The following CTNNA3 variants were observed in gnomAD, a reference collection of about 807,000 sequenced individuals.
CTNNA3 encodes the protein catenin alpha-3.
Under a neutral mutation model 95.7 loss-of-function variants are expected in CTNNA3, and 76 were observed. The ratio of observed to expected loss-of-function variants is 0.79; its 90% confidence interval spans 0.66 to 0.96. CTNNA3 has a LOEUF of 0.96. Among genes scored for constraint, CTNNA3 ranks in the 40% least tolerant of loss-of-function variants. The pLI, the probability that CTNNA3 is intolerant of heterozygous loss-of-function variation, is 0.00. For synonymous variants in CTNNA3, 431 were observed against 374.4 expected, an observed-to-expected ratio of 1.15 and a Z score of -1.74; for missense variants, 1,191 against 1,089.8, an observed-to-expected ratio of 1.09 and a Z score of -1.31.
chr10:66,927,484 T>C lies in CTNNA3; in HGVS notation c.1048-151960A>G. On this transcript the variant is annotated intron_variant, in intron 7 of 17. Coordinates refer to ENST00000433211, the MANE Select transcript of CTNNA3 (RefSeq NM_013266.4). The surrounding 1 kb of genome is among the most constrained non-coding windows in gnomAD (Gnocchi z 4.7). ...CAACCTGGAACTTTTGGACCTGGGA[T>C]ATAACCGGATCCGAAGTTTAGCCAG... 6.2e-7 allele frequency: 1 copy of C among 1,614,086 alleles called. No individual in the cohort carries two copies. The highest frequency in any genetic ancestry group is 8.5e-7 in the Non-Finnish European group (1 of 1,180,028).
At chr10:67,469,609 G>C (rs762179133) in intron 5 of CTNNA3, among the ~76,000 whole-genome samples, 6 of 151,734 alleles carry the variant, frequency 4.0e-5, no homozygotes, top group Non-Finnish European at 8.8e-5. Context: ...GGGCCTGTCG[G>C]GGGGTGGGGG....
rs570212223 is a variant in CTNNA3 at position 66,137,730 on chromosome 10, T to C, written c.1885-34481A>G. Among the ~76,000 whole-genome samples, 4 of 152,128 alleles carry C rather than the reference T, an allele frequency of 2.6e-5. No homozygotes were observed. The South Asian group carries it at 8.3e-4, about 32-fold the overall frequency. On this transcript the variant is annotated intron_variant, in intron 13 of 17. Transcript: ENST00000433211. ...GGGAGGCTGAGGTGGGTGGATAACC[T>C]GAGGTCAGGAGTTCAGGATTAGCCT...
At chr10:67,756,622 A>C (rs536411601) in intron 1 of CTNNA3, among the ~76,000 whole-genome samples, 4 of 152,364 alleles carry the variant, frequency 2.6e-5, no homozygotes, top group Middle Eastern at 3.4e-3. Flanking sequence ...TTTACATAAA[A>C]TGTAATAGGC....
At chr10:66,725,706 C>A (rs923038586) in intron 9 of CTNNA3, among the ~76,000 whole-genome samples, 18 of 152,176 alleles carry the variant, frequency 1.2e-4, no homozygotes, top group African/African-American at 4.3e-4. Flanking sequence ...ATACGAAGTA[C>A]ATGATAATGT....
chr10:66,787,454 T>C (rs1396357851), intron 7 of CTNNA3, among the ~76,000 whole-genome samples: 1 of 152,160 alleles, frequency 6.6e-6, no homozygotes, highest in Non-Finnish European at 1.5e-5. Context: ...AGACGACTTA[T>C]TCACAGCTTT....
rs960052791 is a variant in CTNNA3 at position 67,015,637 on chromosome 10, T to C, written c.1047+164680A>G. On this transcript the variant is annotated intron_variant, in intron 7 of 17. Coordinates refer to ENST00000433211, the MANE Select transcript of CTNNA3 (RefSeq NM_013266.4). ...AGTTTAAAGTATCTCTCAGTATTCA[T>C]TGTTCTATCTAAAATTGTCCTAGAA... Among the ~76,000 whole-genome samples the C allele has an allele frequency of 1.7e-4, 26 of 152,208 alleles. No homozygotes were observed. In the East Asian group the frequency reaches 4.0e-3, roughly 24 times the overall value.
chr10:67,736,526 G>A (rs538885875), intron 1 of CTNNA3, among the ~76,000 whole-genome samples: 75 of 148,494 alleles, frequency 5.1e-4, no homozygotes, highest in African/African-American at 1.8e-3. Flanking sequence ...CACGTTCTCG[G>A]CTGACTGCAA....
At chr10:65,944,169 C>T (rs746953191) in intron 17 of CTNNA3, among the ~76,000 whole-genome samples, 66 of 152,216 alleles carry the variant, frequency 4.3e-4, no homozygotes, top group Non-Finnish European at 8.5e-4. Flanking sequence ...CAATTTTTCT[C>T]GGCTTTCAAA....
chr10:67,390,674 G>A (rs1215056874), intron 5 of CTNNA3, among the ~76,000 whole-genome samples: 5 of 149,822 alleles, frequency 3.3e-5, no homozygotes, highest in Non-Finnish European at 4.4e-5. Flanking sequence ...CTGGCAAAAC[G>A]AATCCAGCAG....
At chr10:67,004,152 A>G (rs755319989) in intron 7 of CTNNA3, among the ~76,000 whole-genome samples, 64 of 152,104 alleles carry the variant, frequency 4.2e-4, no homozygotes, top group Non-Finnish European at 8.1e-4. Flanking sequence ...TCAGCCATGT[A>G]TTTGAGTAGT....
intron 7 of CTNNA3, among the ~76,000 whole-genome samples, chr10:66,811,037 T>C (rs1188672331): frequency 6.6e-6 from 1 of 152,196 alleles, no homozygotes; most frequent in Non-Finnish European, 1.5e-5. Context: ...TAAACGCAAA[T>C]TGAAATTATC....
chr10:66,360,639 CT>C (rs747593248), intron 12 of CTNNA3, among the ~76,000 whole-genome samples: 16 of 56,534 alleles, frequency 2.8e-4, no homozygotes, highest in Middle Eastern at 5.4e-3. Flanking sequence ...TTCTTTCTTT[CT>C]TTCTTTCTTT....
intron 13 of CTNNA3, among the ~76,000 whole-genome samples, chr10:66,246,014 CTG>C (rs1389704678): frequency 6.6e-6 from 1 of 152,224 alleles, no homozygotes; most frequent in Non-Finnish European, 1.5e-5. Flanking sequence ...CCACTCTAGT[CTG>C]TGGGACTGGC....
intron 7 of CTNNA3, among the ~76,000 whole-genome samples, chr10:66,853,773 C>T (rs1043694974): frequency 3.3e-5 from 5 of 152,052 alleles, no homozygotes; most frequent in African/African-American, 1.2e-4. Context: ...TTATTTTTCT[C>T]TCTGCTTTGC....
intron 10 of CTNNA3, among the ~76,000 whole-genome samples, chr10:66,543,094 T>TTTTG (rs1841914374): frequency 6.6e-6 from 1 of 151,980 alleles, no homozygotes; most frequent in Non-Finnish European, 1.5e-5. Context: ...GAGTGCAGAA[T>TTTTG]TTTGTTTGTT....
At chr10:66,668,853 T>C (rs1236141506) in intron 9 of CTNNA3, among the ~76,000 whole-genome samples, 1 of 151,616 alleles carries the variant, frequency 6.6e-6, no homozygotes. Flanking sequence ...ATATATTCTA[T>C]ATATATATAT....
At chr10:66,307,699 A>C (rs1753714183) in intron 12 of CTNNA3, among the ~76,000 whole-genome samples, 1 of 152,264 alleles carries the variant, frequency 6.6e-6, no homozygotes, top group Non-Finnish European at 1.5e-5. Context: ...TTTCATAAAA[A>C]TCAAAAGTAT....
intron 9 of CTNNA3, among the ~76,000 whole-genome samples, chr10:66,634,572 GGTGTGTGTGTGT>G (rs59187647): frequency 4.1e-5 from 6 of 146,080 alleles, no homozygotes; most frequent in African/African-American, 1.0e-4. Context: ...CTCTGTGCAT[GGTGTGTGTGTGT>G]GTGTGTGTGT....
intron 7 of CTNNA3, among the ~76,000 whole-genome samples, chr10:67,134,068 G>A (rs994258723): frequency 2.0e-5 from 3 of 152,196 alleles, no homozygotes; most frequent in East Asian, 1.9e-4. Context: ...GTCAGTAGCC[G>A]AACTGGGATA....
Sources: gnomAD v4.1 joint callset for allele counts (sites outside exome capture counted in the v4.1 genomes callset) on GRCh38, gnomAD v4.1.1 for gene constraint, Gnocchi (gnomAD v3.1) non-coding constraint, MANE v1.5 for transcripts, NCBI Gene and HGNC (gene_info 2026-07-23, HGNC 2026-07-21) for gene names.